Variants in CSMD1 observed in about 807,000 individuals in gnomAD.
CSMD1 encodes the protein CUB and sushi domain-containing protein 1.
A neutral mutation model predicts 417.5 loss-of-function variants in CSMD1; 213 were observed. That is an observed-to-expected ratio of 0.51 (90% CI 0.46 to 0.57). CSMD1 has a LOEUF of 0.57. CSMD1 is among the 20% of genes least tolerant of loss of function. The pLI is 0.00. For synonymous variants in CSMD1, 2,862 were observed against 1,736.8 expected (o/e 1.65, Z -16.11); for missense variants, 6,923 against 4,529.7 (o/e 1.53, Z -15.17).
chr8:3,889,221 A>C (rs1052354132), intron 5 of CSMD1, among the ~76,000 whole-genome samples: 3 of 151,808 alleles, frequency 2.0e-5, no homozygotes, highest in African/African-American at 7.3e-5. Context: ...AATAATAATT[A>C]ATCAAATTTA....
At chr8:3,597,574 A>G (rs886408282) in intron 8 of CSMD1, among the ~76,000 whole-genome samples, 6 of 152,156 alleles carry the variant, frequency 3.9e-5, no homozygotes, top group African/African-American at 7.2e-5. Context: ...TGTCATTTCC[A>G]TATCATACTT....
At chr8:3,007,372 A>T (rs1188996001) in intron 52 of CSMD1, among the ~76,000 whole-genome samples, 1,681 of 151,374 alleles carry the variant, frequency 0.011, 24 homozygotes, top group African/African-American at 0.04. Flanking sequence ...GCGATTCCTC[A>T]GGGATCTAGA....
intron 46 of CSMD1, among the ~76,000 whole-genome samples, chr8:3,097,669 GTGT>G (rs897334396): frequency 3.3e-5 from 5 of 152,068 alleles, no homozygotes; most frequent in African/African-American, 7.2e-5. Flanking sequence ...AATTTTAAAT[GTGT>G]TGTTATTTCT....
chr8:4,140,911 C>T (rs757596545), intron 3 of CSMD1, among the ~76,000 whole-genome samples: 1 of 151,108 alleles, frequency 6.6e-6, no homozygotes, highest in Non-Finnish European at 1.5e-5. Context: ...GTAGGGCCGA[C>T]TTACTGCTAA....
intron 5 of CSMD1, among the ~76,000 whole-genome samples, chr8:3,906,003 G>A (rs1270770783): frequency 6.6e-6 from 1 of 152,132 alleles, no homozygotes; most frequent in Non-Finnish European, 1.5e-5. Context: ...TGTTAGGCCT[G>A]GAGTTCTTTT....
chr8:4,686,454 G>T (rs1646457575), intron 1 of CSMD1, among the ~76,000 whole-genome samples: 1 of 152,176 alleles, frequency 6.6e-6, no homozygotes, highest in African/African-American at 2.4e-5. Context: ...TAGGCCTTGT[G>T]CGAGAGGGGG....
chr8:3,479,203 C>A (rs975543970), intron 11 of CSMD1, among the ~76,000 whole-genome samples: 1 of 152,148 alleles, frequency 6.6e-6, no homozygotes, highest in African/African-American at 2.4e-5. Flanking sequence ...GACCCACATG[C>A]CAAGCCTAAA....
At chr8:3,941,799 C>T (rs898123972) in intron 5 of CSMD1, among the ~76,000 whole-genome samples, 1 of 152,094 alleles carries the variant, frequency 6.6e-6, no homozygotes, top group Non-Finnish European at 1.5e-5. Flanking sequence ...CCTCTGTTCC[C>T]TCATACGCAA....
chr8:4,889,663 A>C (rs1479335579), intron 1 of CSMD1, among the ~76,000 whole-genome samples: 1 of 152,144 alleles, frequency 6.6e-6, no homozygotes, highest in Non-Finnish European at 1.5e-5. Context: ...ATAAGGTTTT[A>C]TTTAAAGCTG....
At chr8:3,132,006 G>T (rs972909728) in intron 41 of CSMD1, among the ~76,000 whole-genome samples, 1 of 152,090 alleles carries the variant, frequency 6.6e-6, no homozygotes, top group African/African-American at 2.4e-5. Context: ...CACTCCACTG[G>T]CTCATGTCCA....
intron 5 of CSMD1, among the ~76,000 whole-genome samples, chr8:3,929,911 C>T (rs965473467): frequency 6.7e-5 from 10 of 150,204 alleles, no homozygotes; most frequent in African/African-American, 2.5e-4. Context: ...ATCTACCTGC[C>T]TCAGCCTCCC....
chr8:4,986,571 G>T (rs1387864893), intron 1 of CSMD1, among the ~76,000 whole-genome samples: 3 of 151,998 alleles, frequency 2.0e-5, no homozygotes, highest in South Asian at 2.1e-4. Context: ...TAACACGAAT[G>T]ATATCAGAGT....
chr8:4,397,417 C>G (rs1804314627), intron 3 of CSMD1, among the ~76,000 whole-genome samples: 1 of 149,712 alleles, frequency 6.7e-6, no homozygotes, highest in Non-Finnish European at 1.5e-5. Flanking sequence ...AATAAGAAAT[C>G]ATTAGGAACA....
chr8:4,120,339 A>G (rs760557079), intron 3 of CSMD1, among the ~76,000 whole-genome samples: 1 of 152,084 alleles, frequency 6.6e-6, no homozygotes, highest in African/African-American at 2.4e-5. Flanking sequence ...TAGCTATAAG[A>G]TAAGATTATT....
Position 4,888,134 on chromosome 8 carries a change from G to A in CSMD1, c.85+106198C>T, listed in dbSNP as rs34207695. Reference sequence around the variant, plus strand: ...ATAAAATATTAGAAATAATCTAAATGCCATATATAAAAGAGTATATGAATA... The same window carrying A: ...ATAAAATATTAGAAATAATCTAAATACCATATATAAAAGAGTATATGAATA... On this transcript the variant is annotated intron_variant, in intron 1 of 69. Coordinates refer to ENST00000635120, the MANE Select transcript of CSMD1 (RefSeq NM_033225.6). Among the ~76,000 whole-genome samples, 633 of 151,800 alleles carry A rather than the reference G, an allele frequency of 4.2e-3. 4 individuals carry two copies. Among genetic ancestry groups the A allele is most frequent in the Non-Finnish European group, 7.1e-3 (481 of 67,918 alleles).
chr8:3,333,593 A>G (rs1807047711), intron 23 of CSMD1, among the ~76,000 whole-genome samples: 1 of 152,232 alleles, frequency 6.6e-6, no homozygotes, highest in African/African-American at 2.4e-5. Flanking sequence ...GAGCAGCATA[A>G]TATGTTTGCC....
rs78365554 is a variant in CSMD1 at position 4,137,727 on chromosome 8, C to G, written c.416-105628G>C. Among the ~76,000 whole-genome samples the G allele has an allele frequency of 7.1e-5, 6 of 84,752 alleles. No individual in the cohort carries two copies. The East Asian group carries it at 1.5e-3, about 21-fold the overall frequency. The allele number at this position is 84,752 out of a possible 152,430, so 55.6% of individuals were successfully genotyped here. A position where few individuals can be genotyped will look rare whatever the true frequency, so the allele number is the denominator to read the frequency against. On this transcript the variant is annotated intron_variant, in intron 3 of 69. Transcript: ENST00000635120. ...ACATCGATAAAGATACTGTATTTCACGATGTTGTATTTTATATAAAATTAC... is the reference window on the plus strand; with the variant it reads ...ACATCGATAAAGATACTGTATTTCAGGATGTTGTATTTTATATAAAATTAC...
chr8:3,358,780 A>C (rs749685739), intron 21 of CSMD1, among the ~76,000 whole-genome samples: 1 of 152,062 alleles, frequency 6.6e-6, no homozygotes, highest in South Asian at 2.1e-4. Flanking sequence ...CTTTTAATCA[A>C]TGCAATTGTC....
intron 23 of CSMD1, among the ~76,000 whole-genome samples, chr8:3,318,741 C>T (rs9644336): frequency 0.27 from 40,515 of 151,842 alleles, 6,272 homozygotes; most frequent in South Asian, 0.39. Context: ...TGGAGTGTCA[C>T]GGTTCCTTCT....
Sources: allele counts gnomAD v4.1 joint callset (sites outside exome capture counted in the v4.1 genomes callset), GRCh38; gene constraint gnomAD v4.1.1; transcripts MANE v1.5; gene names NCBI Gene and HGNC (gene_info 2026-07-23, HGNC 2026-07-21).